PDE9A: variants seen among roughly 807,000 people sequenced by gnomAD.
The protein encoded by PDE9A is phosphodiesterase 9A.
A neutral mutation model predicts 87.4 loss-of-function variants in PDE9A; 60 were observed. The ratio of observed to expected loss-of-function variants is 0.69; its 90% CI spans 0.56 to 0.85. PDE9A has a LOEUF of 0.85. Among genes scored for constraint, PDE9A ranks in the 40% least tolerant of loss-of-function variants. The pLI is 0.00. For missense variants in PDE9A, 665 were observed against 779.0 expected, an observed-to-expected ratio of 0.85 and a Z score of 1.74; for synonymous variants, 272 against 279.4, an observed-to-expected ratio of 0.97 and a Z score of 0.27.
Position 42,670,186 on chromosome 21 carries a change from TACACACATTC to T in PDE9A, c.70-15997_70-15988del, listed in dbSNP as rs1437922071. ...ACACATTCACACGCACACATACACT[TACACACATTC>T]ACACACATACACTTACATTCACACA... On this transcript the variant is annotated intron_variant, in intron 1 of 19. Transcript: ENST00000291539. Among the ~76,000 whole-genome samples, 17 of 138,128 alleles carry T rather than the reference TACACACATTC, an allele frequency of 1.2e-4. No homozygotes were observed. In the East Asian group the frequency reaches 2.4e-3, roughly 20 times the overall value. The allele number at this position is 138,128 out of a possible 152,430, so 90.6% of individuals were successfully genotyped here.
intron 1 of PDE9A, among the ~76,000 whole-genome samples, chr21:42,668,891 T>TCCCCCCCC (rs1569112468): frequency 5.5e-5 from 6 of 108,724 alleles, no homozygotes; most frequent in African/African-American, 2.5e-4. Flanking sequence ...TCAGAGCTGC[T>TCCCCCCCC]CCCTCCACCC....
chr21:42,665,459 T>A (rs2057901544), intron 1 of PDE9A, among the ~76,000 whole-genome samples: 1 of 152,028 alleles, frequency 6.6e-6, no homozygotes, highest in Non-Finnish European at 1.5e-5. Context: ...GACCCCTGGC[T>A]ACACCCTGCC....
At chr21:42,762,026 G>A (rs929721045) in intron 13 of PDE9A, 57 bp from the exon 14 acceptor site, 17 of 1,552,832 alleles carry the variant, frequency 1.1e-5, no homozygotes, top group Admixed American at 1.7e-5. Flanking sequence ...TTGCTCCCCC[G>A]TGCAGGTACC....
At chr21:42,740,337 A>G (rs994240819) in intron 7 of PDE9A, among the ~76,000 whole-genome samples, 2 of 151,966 alleles carry the variant, frequency 1.3e-5, no homozygotes, top group Non-Finnish European at 2.9e-5. Context: ...CCTGTTATTC[A>G]GGAGGCTGAA....
At position 42,722,348 on chromosome 21, in the gene PDE9A, C is replaced by T. The variant is rs12483330; in HGVS notation, c.263-9422C>T. Among the ~76,000 whole-genome samples the T allele has an allele frequency of 0.12, 18,560 of 152,202 alleles. 1,198 individuals are homozygous for T. The highest frequency in any genetic ancestry group is 0.17 in the Middle Eastern group (50 of 294). ...ATTCACCGGAGGGTGCTCAGCACCT[C>T]GCCCTGTTGCTCTGGGTTGGGACTA... On this transcript the variant is annotated intron_variant, in intron 4 of 19. Transcript: ENST00000291539. The surrounding 1 kb of genome is among the most constrained non-coding windows in gnomAD (Gnocchi z 4.1).
intron 17 of PDE9A, 53 bp downstream of exon 17, chr21:42,769,208 C>T: frequency 3.4e-6 from 5 of 1,490,524 alleles, no homozygotes; most frequent in Middle Eastern, 1.7e-4. Flanking sequence ...TACATGCATG[C>T]ACACACAGGC....
intron 4 of PDE9A, among the ~76,000 whole-genome samples, chr21:42,708,882 G>A (rs113342963): frequency 6.6e-6 from 1 of 152,040 alleles, no homozygotes; most frequent in Admixed American, 6.5e-5. Context: ...TGATAGAAGT[G>A]CATGTGTTAG....
intron 14 of PDE9A, among the ~76,000 whole-genome samples, chr21:42,765,018 G>GATGGATGGATGGATGGATGGATGA (rs140976951): frequency 6.6e-6 from 1 of 150,638 alleles, no homozygotes; most frequent in Non-Finnish European, 1.5e-5. Flanking sequence ...TGGATGGATG[G>GATGGATGGATGGATGGATGGATGA]ATGGGTGGAT....
At chr21:42,768,800 T>C in intron 16 of PDE9A, 1 of 985,434 alleles carries the variant, frequency 1.0e-6, no homozygotes, top group Non-Finnish European at 1.2e-6. Context: ...TCCATCCAAC[T>C]CACCTCTGCC....
rs763507577 is a variant in PDE9A at position 42,733,337 on chromosome 21, T to A, written c.498-19T>A. On this transcript the variant is annotated intron_variant, in intron 6 of 19. Coordinates refer to ENST00000291539, the MANE Select transcript of PDE9A (RefSeq NM_002606.3). ...TTTTAAGGGTCATATTTACTCTCTCTTTTCTTTTTCATTCCTAGAGCATTC... is the reference window on the plus strand; with the variant it reads ...TTTTAAGGGTCATATTTACTCTCTCATTTCTTTTTCATTCCTAGAGCATTC... 8.1e-6 allele frequency: 12 copies of A among 1,484,252 alleles called. No homozygotes were observed. Among genetic ancestry groups the A allele is most frequent in the Non-Finnish European group, 1.9e-6 (2 of 1,061,914 alleles). 91.9% of individuals were successfully genotyped at this position (1,484,252 alleles called of 1,614,324 possible). A position where few individuals can be genotyped will look rare whatever the true frequency, so the allele number is the denominator to read the frequency against.
Position 42,655,102 on chromosome 21 carries a change from A to ACT in PDE9A, c.69+1221_69+1222dup, listed in dbSNP as rs138974279. On this transcript the variant is annotated intron_variant, in intron 1 of 19. Coordinates refer to ENST00000291539, the MANE Select transcript of PDE9A (RefSeq NM_002606.3). Reference sequence around the variant, plus strand: ...AATATGTCACTGCACCAGCATGCACACTCACACACACACACACATGCTCCA... The same window carrying ACT: ...AATATGTCACTGCACCAGCATGCACACTCTCACACACACACACACATGCTCCA... Among the ~76,000 whole-genome samples the ACT allele has an allele frequency of 6.3e-3, 958 of 152,070 alleles. 13 individuals are homozygous for ACT. The highest frequency in any genetic ancestry group is 0.028 in the East Asian group (146 of 5,184).
At chr21:42,751,295 C>A in intron 9 of PDE9A, 98 bp downstream of exon 9, 1 of 864,816 alleles carries the variant, frequency 1.2e-6, no homozygotes, top group Non-Finnish European at 2.0e-6. Context: ...TGTGTACGTT[C>A]ACATCAACCG....
At chr21:42,745,901 C>T (rs2053797856) in intron 8 of PDE9A, among the ~76,000 whole-genome samples, 1 of 152,228 alleles carries the variant, frequency 6.6e-6, no homozygotes, top group African/African-American at 2.4e-5. Flanking sequence ...GGCCTCTGGG[C>T]CCCATATGGG....
At chr21:42,770,673 A>G (rs2147214245) in intron 17 of PDE9A, 30 bp from the exon 18 acceptor site, 1 of 1,547,744 alleles carries the variant, frequency 6.5e-7, no homozygotes, top group Non-Finnish European at 8.9e-7. Context: ...AGAACGAGGG[A>G]CTCTGAATAA....
chr21:42,686,911 C>G (rs539483389), intron 2 of PDE9A, among the ~76,000 whole-genome samples: 23 of 152,162 alleles, frequency 1.5e-4, no homozygotes, highest in Non-Finnish European at 3.1e-4. Context: ...GTTTGGTCCC[C>G]AGCCCCACAT....
intron 3 of PDE9A, among the ~76,000 whole-genome samples, chr21:42,688,696 C>T (rs1029354602): frequency 3.9e-5 from 6 of 152,202 alleles, no homozygotes; most frequent in African/African-American, 1.4e-4. Flanking sequence ...GCGGGGCGTG[C>T]GACCTCAGGA....
intron 1 of PDE9A, among the ~76,000 whole-genome samples, chr21:42,667,609 C>T (rs73379634): frequency 0.034 from 5,170 of 152,218 alleles, 280 homozygotes; most frequent in African/African-American, 0.12. Flanking sequence ...TGGACTGTCT[C>T]CGCTCACAGG....
intron 7 of PDE9A, among the ~76,000 whole-genome samples, chr21:42,736,660 G>A (rs948789819): frequency 6.6e-6 from 1 of 152,240 alleles, no homozygotes; most frequent in Non-Finnish European, 1.5e-5. Flanking sequence ...CTAAGGAGTA[G>A]AGAAGGAGGA....
In PDE9A at chr21:42,696,900, G is replaced by A. The variant is rs1014715041; in HGVS notation, c.219-2068G>A. ...AGTGCCCTCTCCACCTGGGGAGCTT[G>A]GAGGACTTTGCTCTGCACTTAGGGC... On this transcript the variant is annotated intron_variant, in intron 3 of 19. Transcript: ENST00000291539. The surrounding 1 kb of genome is among the most constrained non-coding windows in gnomAD (Gnocchi z 5.1). Among the ~76,000 whole-genome samples the A allele has an allele frequency of 6.6e-6, 1 of 152,172 alleles. No homozygotes were observed. The highest frequency in any genetic ancestry group is 1.5e-5 in the Non-Finnish European group (1 of 68,032).
Sources: allele counts gnomAD v4.1 joint callset (sites outside exome capture counted in the v4.1 genomes callset), GRCh38; gene constraint gnomAD v4.1.1; non-coding constraint Gnocchi (gnomAD v3.1); transcripts MANE v1.5; gene names NCBI Gene and HGNC (gene_info 2026-07-23, HGNC 2026-07-21).